The following SH3BP2 variants were observed in gnomAD, a reference collection of about 807,000 sequenced individuals.
SH3BP2 encodes SH3 domain binding protein 2, also known as SH3 domain-binding protein 2.
A neutral mutation model predicts 56.2 loss-of-function variants in SH3BP2; 38 were observed. The observed-to-expected ratio is 0.68, with a 90% CI of 0.52 to 0.89. The LOEUF is 0.89. Ranked by LOEUF, SH3BP2 falls within the 40% of genes least tolerant of loss-of-function variation. The pLI is 0.00. For synonymous variants in SH3BP2, 346 were observed against 316.7 expected (o/e 1.09, Z -0.98); for missense variants, 748 against 762.6 (o/e 0.98, Z 0.23).
Position 2,840,725 on chromosome 4 carries a change from C to A in SH3BP2, c.*6891C>A, listed in dbSNP as rs138548581. On this transcript the variant is annotated 3_prime_UTR_variant, in exon 13 of 13. Transcript: ENST00000503393. ...TCTCCCATATAAGTTTTAAAATCAG[C>A]TTGTCAATTCCAACAACAATGATGC... 3.3e-5 allele frequency: 5 copies of A among 152,310 alleles called. No individual in the cohort carries two copies. The East Asian group carries it at 9.6e-4, about 29-fold the overall frequency. The allele number at this position is 152,310 out of a possible 1,614,324, so 9.4% of individuals were successfully genotyped here.
chr4:2,830,568 G>C (rs940556192), intron 8 of SH3BP2, among the ~76,000 whole-genome samples: 2 of 152,196 alleles, frequency 1.3e-5, no homozygotes, highest in Non-Finnish European at 2.9e-5. Context: ...TCACTATGTT[G>C]GCCAGGTTGG....
intron 7 of SH3BP2, among the ~76,000 whole-genome samples, chr4:2,828,111 GAGAC>G (rs558300395): frequency 5.6e-4 from 83 of 148,982 alleles, no homozygotes; most frequent in Non-Finnish European, 1.0e-3. Flanking sequence ...CCTAGTCAAA[GAGAC>G]AGGCTGATAC....
intron 1 of SH3BP2, among the ~76,000 whole-genome samples, chr4:2,815,776 T>A (rs1577350127): frequency 1.3e-5 from 2 of 152,266 alleles, no homozygotes; most frequent in Middle Eastern, 6.8e-3. Flanking sequence ...ATTCCATCCT[T>A]CTTTTGGGGC....
Position 2,832,419 on chromosome 4 carries a change from G to A in SH3BP2, c.1488+7G>A, listed in dbSNP as rs113327530. 155 of 1,612,624 alleles carry A rather than the reference G, an allele frequency of 9.6e-5. 1 individual carries two copies. The East Asian group carries it at 1.6e-3, about 17-fold the overall frequency. On this transcript the variant is annotated splice_region_variant and intron_variant, in intron 11 of 12. Transcript: ENST00000503393. The stretch of plus-strand genomic sequence containing the variant: ...CTCTACCAAGTCGGGGAAGGTAGGC[G>A]CCAGGGGAAGATGCCCCAGGGCCCC...
chr4:2,823,901 G>T (rs1261829546), intron 3 of SH3BP2, among the ~76,000 whole-genome samples: 1 of 152,206 alleles, frequency 6.6e-6, no homozygotes, highest in Non-Finnish European at 1.5e-5. Flanking sequence ...CCCCATGCTG[G>T]CACAGAGCTC....
chr4:2,826,574 C>A (rs1724652474), intron 5 of SH3BP2: 1 of 245,172 alleles, frequency 4.1e-6, no homozygotes, highest in African/African-American at 3.2e-5. Context: ...GCATGTTGCT[C>A]TGTGTGTGTG....
intron 1 of SH3BP2, among the ~76,000 whole-genome samples, chr4:2,798,181 G>C (rs1035440224): frequency 2.6e-5 from 4 of 152,190 alleles, no homozygotes; most frequent in Non-Finnish European, 5.9e-5. Flanking sequence ...ACCAAAGCCT[G>C]GTGAGGAAGA....
rs899213013 is a variant in SH3BP2 at position 2,833,626 on chromosome 4, C to A, written c.1549-71C>A. On this transcript the variant is annotated intron_variant, in intron 12 of 12. Coordinates refer to ENST00000503393, the MANE Select transcript of SH3BP2 (RefSeq NM_001122681.2). The stretch of plus-strand genomic sequence containing the variant: ...TGATGCTGCTGCCTTGTTTTACAGA[C>A]GGGGAGACTGAGGCCTAGAGCCGCA... 4.0e-5 allele frequency: 62 copies of A among 1,551,428 alleles called. 1 individual carries two copies. The South Asian group carries it at 5.9e-4, about 15-fold the overall frequency.
intron 1 of SH3BP2, among the ~76,000 whole-genome samples, chr4:2,805,754 C>T (rs2108706203): frequency 6.6e-6 from 1 of 152,278 alleles, no homozygotes; most frequent in East Asian, 1.9e-4. Flanking sequence ...AGGCCCAGGG[C>T]CTGCGGATTG....
intron 1 of SH3BP2, chr4:2,793,890 C>T (rs1722977484): frequency 6.6e-6 from 1 of 152,326 alleles, no homozygotes; most frequent in Non-Finnish European, 1.5e-5. Context: ...TGCAGCCCAG[C>T]ACTTTCCCGC....
chr4:2,811,940 C>G, intron 1 of SH3BP2: 1 of 239,990 alleles, frequency 4.2e-6, no homozygotes, highest in Non-Finnish European at 8.4e-6. Context: ...AAATGCTGCT[C>G]TGTGCTGGGC....
At position 2,826,422 on chromosome 4, in the gene SH3BP2, CTG is replaced by C. The variant is rs562106346; in HGVS notation, c.429-804_429-803del. On this transcript the variant is annotated intron_variant, in intron 5 of 12. Coordinates refer to ENST00000503393, the MANE Select transcript of SH3BP2 (RefSeq NM_001122681.2). ...TGTGTGTGCATGTCCACGTGTTGCT[CTG>C]TGTTTGTGTGTGCATGTCCGCGTGT... The C allele has an allele frequency of 6.3e-3, 996 of 158,418 alleles. 6 individuals carry two copies. Among genetic ancestry groups the C allele is most frequent in the Non-Finnish European group, 1.0e-2 (810 of 81,200 alleles). 9.8% of individuals were successfully genotyped at this position (158,418 alleles called of 1,614,324 possible).
Position 2,816,452 on chromosome 4 carries a change from G to C in SH3BP2, c.-4-4162G>C, listed in dbSNP as rs988346382. ...TGGATACCTTTTATTTCTTTTTATT[G>C]CCTAATTACTCTGGTGAGAATCTCC... On this transcript the variant is annotated intron_variant, in intron 1 of 12. Coordinates refer to ENST00000503393, the MANE Select transcript of SH3BP2 (RefSeq NM_001122681.2). Among the ~76,000 whole-genome samples, 3 of 152,062 alleles carry C rather than the reference G, an allele frequency of 2.0e-5. No homozygotes were observed. In the East Asian group the frequency reaches 5.8e-4, roughly 29 times the overall value.
chr4:2,798,085 A>G (rs1723119365), intron 1 of SH3BP2, among the ~76,000 whole-genome samples: 1 of 151,796 alleles, frequency 6.6e-6, no homozygotes, highest in Non-Finnish European at 1.5e-5. Flanking sequence ...GCGCTGTGAC[A>G]GCCACCGCTG....
chr4:2,809,335 C>T lies in SH3BP2; in HGVS notation c.-4-11279C>T, dbSNP rs192105507. On this transcript the variant is annotated intron_variant, in intron 1 of 12. Transcript: ENST00000503393. Reference sequence around the variant, plus strand: ...CTCCCTCCCTCCCTGGGCTCATTACCCACCTTCCCCCAGGTTCAGTGCCCT... The same window carrying T: ...CTCCCTCCCTCCCTGGGCTCATTACTCACCTTCCCCCAGGTTCAGTGCCCT... Among the ~76,000 whole-genome samples, 486 of 151,178 alleles carry T rather than the reference C, an allele frequency of 3.2e-3. 4 individuals carry two copies. Among genetic ancestry groups the T allele is most frequent in the African/African-American group, 0.011 (462 of 41,072 alleles).
At chr4:2,828,380 G>T (rs1308054542) in intron 7 of SH3BP2, among the ~76,000 whole-genome samples, 1 of 151,648 alleles carries the variant, frequency 6.6e-6, no homozygotes, top group Non-Finnish European at 1.5e-5. Flanking sequence ...TATCCTCTCT[G>T]CCTCCCATCC....
chr4:2,809,951 T>C (rs938017017), intron 1 of SH3BP2: 12 of 360,276 alleles, frequency 3.3e-5, no homozygotes, highest in African/African-American at 1.5e-4. Context: ...GGGCTGCCCA[T>C]TGAGGCGGCC....
chr4:2,818,318 C>T (rs1724101264), intron 1 of SH3BP2: 5 of 1,124,394 alleles, frequency 4.4e-6, no homozygotes, highest in Non-Finnish European at 4.4e-6. Flanking sequence ...GGCCCGGGGC[C>T]GTGCCGGTGC....
intron 10 of SH3BP2, 68 bp from the exon 11 acceptor site, chr4:2,832,263 G>C: frequency 7.6e-7 from 1 of 1,318,684 alleles, no homozygotes; most frequent in Non-Finnish European, 1.1e-6. Context: ...CTTGGGAGCG[G>C]GGCGGGAAGG....
Sources: gnomAD v4.1 joint callset for allele counts (sites outside exome capture counted in the v4.1 genomes callset) on GRCh38, gnomAD v4.1.1 for gene constraint, MANE v1.5 for transcripts, NCBI Gene and HGNC (gene_info 2026-07-23, HGNC 2026-07-21) for gene names.